PCDHGA3: variants seen among roughly 807,000 people sequenced by gnomAD.
PCDHGA3 encodes the protein protocadherin gamma subfamily A, 3, also known as protocadherin gamma-A3.
In PCDHGA3, 40 loss-of-function variants were observed where a neutral mutation model predicts 58.5. The ratio of observed to expected loss-of-function variants is 0.68; its 90% CI spans 0.53 to 0.89. The LOEUF is 0.89. Ranked by LOEUF, PCDHGA3 falls within the 40% of genes least tolerant of loss-of-function variation. The pLI is 0.00. For synonymous variants in PCDHGA3, 530 were observed against 525.7 expected, an observed-to-expected ratio of 1.01 and a Z score of -0.11; for missense variants, 1,223 against 1,195.9, an observed-to-expected ratio of 1.02 and a Z score of -0.33.
intron 1 of PCDHGA3, among the ~76,000 whole-genome samples, chr5:141,455,576 G>T (rs752051075): frequency 1.3e-5 from 2 of 152,154 alleles, no homozygotes; most frequent in Non-Finnish European, 2.9e-5. Flanking sequence ...TCCCACCCCA[G>T]CCTTTTAATA....
intron 1 of PCDHGA3, chr5:141,418,233 ATGT>A: frequency 6.2e-7 from 1 of 1,614,048 alleles, no homozygotes; most frequent in Admixed American, 1.7e-5. Context: ...GTGATTGAGG[ATGT>A]TAATGACCAC....
chr5:141,433,038 C>A, intron 1 of PCDHGA3: 3 of 1,614,180 alleles, frequency 1.9e-6, no homozygotes, highest in Non-Finnish European at 2.5e-6. Flanking sequence ...GTTTCCCTCA[C>A]CACGGACTCG....
At chr5:141,371,184 G>C in intron 1 of PCDHGA3, 1 of 1,614,032 alleles carries the variant, frequency 6.2e-7, no homozygotes, top group Non-Finnish European at 8.5e-7. Context: ...CGTATTAAAA[G>C]TGATGGCCAT....
At chr5:141,375,365 G>A (rs1227294856) in intron 1 of PCDHGA3, 1 of 1,613,790 alleles carries the variant, frequency 6.2e-7, no homozygotes, top group Non-Finnish European at 8.5e-7. Flanking sequence ...CACGGACAAA[G>A]GAACACCACC....
chr5:141,364,481 G>A, intron 1 of PCDHGA3: 2 of 1,614,028 alleles, frequency 1.2e-6, no homozygotes, highest in Non-Finnish European at 1.7e-6. Context: ...CATAGCCAAG[G>A]ACCTTGGGCT....
Position 141,431,698 on chromosome 5 carries a change from A to ATTC in PCDHGA3, c.2425-63107_2425-63105dup. 6.2e-7 allele frequency: 1 copy of ATTC among 1,614,222 alleles called. No homozygotes were observed. Among genetic ancestry groups the ATTC allele is most frequent in the Non-Finnish European group, 8.5e-7 (1 of 1,180,036 alleles). The stretch of plus-strand genomic sequence containing the variant: ...GGGAGTTGGACCACGAGGAGTCAGG[A>ATTC]TTCTACCAGATGGAAGTGCAAGCAA... On this transcript the variant is annotated intron_variant, in intron 1 of 3. Coordinates refer to ENST00000253812, the MANE Select transcript of PCDHGA3 (RefSeq NM_018916.4). This position sits in a 1 kb window ranked among gnomAD's most constrained non-coding sequence, Gnocchi z 4.8.
chr5:141,371,239 T>A (rs1319098085), intron 1 of PCDHGA3: 2 of 1,614,010 alleles, frequency 1.2e-6, no homozygotes, highest in East Asian at 2.2e-5. Flanking sequence ...TATGCCTTCA[T>A]CAATATTGGC....
At chr5:141,444,774 AT>A (rs2098446962) in intron 1 of PCDHGA3, among the ~76,000 whole-genome samples, 1 of 152,018 alleles carries the variant, frequency 6.6e-6, no homozygotes, top group Non-Finnish European at 1.5e-5. Context: ...TATATTCTTG[AT>A]CATGTTTCAT....
chr5:141,392,145 C>T (rs2150471723), intron 1 of PCDHGA3: 1 of 152,264 alleles, frequency 6.6e-6, no homozygotes, highest in East Asian at 1.9e-4. Context: ...GTAGTTTAAA[C>T]CAAATAAAAC....
At chr5:141,409,464 C>T in intron 1 of PCDHGA3, 1 of 1,613,940 alleles carries the variant, frequency 6.2e-7, no homozygotes, top group East Asian at 2.2e-5. Context: ...TACAATGTCA[C>T]CATCGTAGCC....
chr5:141,431,561 G>C lies in PCDHGA3; in HGVS notation c.2425-63246G>C. On this transcript the variant is annotated intron_variant, in intron 1 of 3. Transcript: ENST00000253812. The surrounding 1 kb of genome is among the most constrained non-coding windows in gnomAD (Gnocchi z 4.8). ...GCAGCTGCTTGTAGTCAACGCTACC[G>C]ACCCTGACGAAGGAGTCAATGCGGA... 6.2e-7 allele frequency: 1 copy of C among 1,614,146 alleles called. No homozygotes were observed. The highest frequency in any genetic ancestry group is 1.1e-5 in the South Asian group (1 of 91,080).
rs983317324 is a variant in PCDHGA3, at chr5:141,431,891, G to A, written c.2425-62916G>A. The stretch of plus-strand genomic sequence containing the variant: ...AAATGTAAATGACCAAGATTCTGAG[G>A]AAAACGGACAGGTGATCTGTTTCAT... On this transcript the variant is annotated intron_variant, in intron 1 of 3. Transcript: ENST00000253812. The surrounding 1 kb of genome is among the most constrained non-coding windows in gnomAD (Gnocchi z 4.8). 16 of 1,614,072 alleles carry A rather than the reference G, an allele frequency of 9.9e-6. No homozygotes were observed. The highest frequency in any genetic ancestry group is 2.7e-5 in the African/African-American group (2 of 74,934).
At chr5:141,365,015 C>A (rs773470378) in intron 1 of PCDHGA3, 2 of 1,613,904 alleles carry the variant, frequency 1.2e-6, no homozygotes, top group South Asian at 2.2e-5. Context: ...CACGCACATC[C>A]GTGTTACGGT....
intron 1 of PCDHGA3, chr5:141,413,071 G>A (rs1589838233): frequency 1.7e-6 from 2 of 1,211,262 alleles, no homozygotes; most frequent in Admixed American, 2.8e-5. Flanking sequence ...AATTTAAAGT[G>A]CCCAGGCTAC....
chr5:141,506,266 T>A (rs1397052417), intron 3 of PCDHGA3, among the ~76,000 whole-genome samples: 1 of 151,862 alleles, frequency 6.6e-6, no homozygotes, highest in Non-Finnish European at 1.5e-5. Context: ...CTGGCCAACA[T>A]AGTGAAACCC....
chr5:141,433,408 A>ATCTATCT (rs1413347413), intron 1 of PCDHGA3, among the ~76,000 whole-genome samples: 44 of 127,346 alleles, frequency 3.5e-4, no homozygotes, highest in African/African-American at 1.2e-3. Context: ...TCTATCTATT[A>ATCTATCT]CTTTCTTGTA....
rs774079222 is a variant in PCDHGA3, at chr5:141,491,314, C to G, written c.2425-3493C>G. On this transcript the variant is annotated intron_variant, in intron 1 of 3. Transcript: ENST00000253812. The surrounding 1 kb of genome is among the most constrained non-coding windows in gnomAD (Gnocchi z 6.9). ...CCCTCCTGAGCGTTCAGACCTTACC[C>G]TTTACCTCATTGTGGCTCTAGCGAC... is the stretch of plus-strand genomic sequence containing the variant. 6 of 1,614,064 alleles carry G rather than the reference C, an allele frequency of 3.7e-6. No individual in the cohort carries two copies. In the South Asian group the frequency reaches 5.5e-5, roughly 15 times the overall value.
chr5:141,510,289 A>T (rs1279501931), intron 3 of PCDHGA3, among the ~76,000 whole-genome samples: 3 of 151,754 alleles, frequency 2.0e-5, no homozygotes, highest in Non-Finnish European at 4.4e-5. Context: ...AAAAAAAAAA[A>T]AATGCTGTTT....
chr5:141,398,776 G>C, intron 1 of PCDHGA3: 2 of 1,613,904 alleles, frequency 1.2e-6, no homozygotes. Context: ...TGCCTTGGAC[G>C]GTGGACATCC....
Sources: allele counts gnomAD v4.1 joint callset (sites outside exome capture counted in the v4.1 genomes callset), GRCh38; gene constraint gnomAD v4.1.1; non-coding constraint Gnocchi (gnomAD v3.1); transcripts MANE v1.5; gene names NCBI Gene and HGNC (gene_info 2026-07-23, HGNC 2026-07-21).